USP25: variants seen among roughly 807,000 people sequenced by gnomAD.
The protein encoded by USP25 is ubiquitin carboxyl-terminal hydrolase 25.
A neutral mutation model predicts 158.5 loss-of-function variants in USP25; 85 were observed. The ratio of observed to expected loss-of-function variants is 0.54; its 90% CI spans 0.45 to 0.64. The LOEUF (loss-of-function observed/expected upper bound fraction) is 0.64, where lower values mean the gene tolerates loss of function less well. Ranked by LOEUF, USP25 falls within the 30% of genes least tolerant of loss-of-function variation. The pLI, the probability that USP25 is intolerant of heterozygous loss-of-function variation, is 0.00. For synonymous variants in USP25, 464 were observed against 460.4 expected (o/e 1.01, Z -0.10); for missense variants, 1,242 against 1,327.3 (o/e 0.94, Z 1.00).
chr21:15,783,436 C>G (rs1159024745), intron 4 of USP25, among the ~76,000 whole-genome samples: 1 of 151,822 alleles, frequency 6.6e-6, no homozygotes, highest in East Asian at 1.9e-4. Flanking sequence ...TAAAATTCAG[C>G]CCCTCAAAAT....
At chr21:15,803,862 A>G (rs1053266266) in intron 6 of USP25, among the ~76,000 whole-genome samples, 15 of 151,874 alleles carry the variant, frequency 9.9e-5, no homozygotes, top group African/African-American at 1.4e-4. Context: ...TTTGGAATCT[A>G]TTCTAGAAGC....
intron 3 of USP25, among the ~76,000 whole-genome samples, chr21:15,777,411 G>A (rs1187223253): frequency 3.3e-5 from 5 of 152,104 alleles, no homozygotes; most frequent in African/African-American, 1.2e-4. Context: ...AAATGTATGT[G>A]TAAATGTACA....
intron 1 of USP25, among the ~76,000 whole-genome samples, chr21:15,735,186 A>G (rs2031366826): frequency 6.6e-6 from 1 of 152,186 alleles, no homozygotes; most frequent in African/African-American, 2.4e-5. Context: ...ATATGTTTCT[A>G]TATTTAATAT....
At chr21:15,828,429 T>A (rs1286518725) in intron 14 of USP25, among the ~76,000 whole-genome samples, 1 of 152,150 alleles carries the variant, frequency 6.6e-6, no homozygotes, top group Non-Finnish European at 1.5e-5. Context: ...AAGAAGTGAA[T>A]GTACTTAAAA....
At chr21:15,870,972 A>G (rs1388853121) in intron 23 of USP25, among the ~76,000 whole-genome samples, 2 of 152,230 alleles carry the variant, frequency 1.3e-5, no homozygotes, top group East Asian at 1.9e-4. Context: ...AGTTCAGTTC[A>G]TCGGTTACAC....
intron 22 of USP25, among the ~76,000 whole-genome samples, chr21:15,869,632 CTTTT>C (rs1028383241): frequency 6.6e-6 from 1 of 152,070 alleles, no homozygotes; most frequent in African/African-American, 2.4e-5. Context: ...ATAAATCTAA[CTTTT>C]TTTAGTTTCT....
intron 15 of USP25, 120 bp downstream of exon 15, chr21:15,830,721 CTTA>C: frequency 2.6e-6 from 2 of 780,144 alleles, no homozygotes; most frequent in Non-Finnish European, 1.9e-6. Context: ...TTTGGCAAAT[CTTA>C]TTGTAAAATA....
At chr21:15,750,177 G>T (rs1274931200) in intron 1 of USP25, among the ~76,000 whole-genome samples, 1 of 144,732 alleles carries the variant, frequency 6.9e-6, no homozygotes, top group Non-Finnish European at 1.5e-5. Context: ...GAAATCTCCA[G>T]TGCCGTGTGT....
rs547785192 is a variant in USP25 at position 15,738,616 on chromosome 21, T to C, written c.45+8178T>C. Among the ~76,000 whole-genome samples, 5 of 152,316 alleles carry C rather than the reference T, an allele frequency of 3.3e-5. No individual in the cohort carries two copies. In the South Asian group the frequency reaches 6.2e-4, roughly 19 times the overall value. On this transcript the variant is annotated intron_variant, in intron 1 of 25. Transcript: ENST00000400183. ...TTTTATACCTAGCCACCTTGCTAAA[T>C]GTTTCTAATACCTTTTCCAGAGACA...
rs2032479810 is a variant in USP25, at chr21:15,745,579, G to A, written c.45+15141G>A. Among the ~76,000 whole-genome samples, 4 of 149,334 alleles carry A rather than the reference G, an allele frequency of 2.7e-5. No individual in the cohort carries two copies. The South Asian group carries it at 6.3e-4, about 24-fold the overall frequency. On this transcript the variant is annotated intron_variant, in intron 1 of 25. Transcript: ENST00000400183. The stretch of plus-strand genomic sequence containing the variant: ...AGCCTCCGCCTCCCTGGGTTCAAGC[G>A]ATTCTTCTGCCTCAGCCTCCTGAGT...
At chr21:15,831,891 T>C (rs1267185566) in intron 16 of USP25, among the ~76,000 whole-genome samples, 1 of 152,192 alleles carries the variant, frequency 6.6e-6, no homozygotes, top group East Asian at 1.9e-4. Context: ...TTCCACAGAT[T>C]GACTCACATT....
At chr21:15,758,813 T>G (rs556376819) in intron 1 of USP25, among the ~76,000 whole-genome samples, 10 of 139,352 alleles carry the variant, frequency 7.2e-5, no homozygotes, top group South Asian at 2.2e-4. Context: ...CCATCAGATC[T>G]CATAACCCTT....
intron 4 of USP25, among the ~76,000 whole-genome samples, chr21:15,780,330 C>A (rs1393101495): frequency 6.6e-6 from 1 of 152,040 alleles, no homozygotes; most frequent in African/African-American, 2.4e-5. Context: ...TTAAGTAGAA[C>A]GTTTTTAAAG....
intron 1 of USP25, among the ~76,000 whole-genome samples, chr21:15,753,437 C>T (rs1343650558): frequency 6.6e-6 from 1 of 152,152 alleles, no homozygotes; most frequent in Non-Finnish European, 1.5e-5. Context: ...GGGGGACCCT[C>T]CTTGTCTGCT....
intron 24 of USP25, among the ~76,000 whole-genome samples, chr21:15,874,902 C>T (rs1326385232): frequency 6.6e-6 from 1 of 152,178 alleles, no homozygotes; most frequent in African/African-American, 2.4e-5. Context: ...CGCAGCAGCT[C>T]ATGCCTGTAA....
rs1030893173 is a variant in USP25, at chr21:15,843,361, G to A, written c.2337+821G>A. 1.3e-5 allele frequency among the ~76,000 whole-genome samples: 2 copies of A among 152,046 alleles called. No individual in the cohort carries two copies. Among genetic ancestry groups the A allele is most frequent in the African/African-American group, 2.4e-5 (1 of 41,404 alleles). ...ACGACATATCATAATTTTACAACAC[G>A]TAATTTTCTGCTTAGTAAGTGAATT... On this transcript the variant is annotated intron_variant, in intron 18 of 25. Coordinates refer to ENST00000400183, the MANE Select transcript of USP25 (RefSeq NM_001283041.3). This position sits in a 1 kb window ranked among gnomAD's most constrained non-coding sequence, Gnocchi z 4.0.
At chr21:15,781,491 A>G (rs1482384900) in intron 4 of USP25, among the ~76,000 whole-genome samples, 3 of 152,202 alleles carry the variant, frequency 2.0e-5, no homozygotes, top group Admixed American at 6.5e-5. Flanking sequence ...AAGATCGCCA[A>G]CTAGAGTTGC....
chr21:15,814,650 A>G (rs144025739), intron 9 of USP25, among the ~76,000 whole-genome samples: 16 of 152,214 alleles, frequency 1.1e-4, no homozygotes, highest in Non-Finnish European at 2.2e-4. Flanking sequence ...CCTCTGCCCT[A>G]GAGATTTGTG....
chr21:15,858,983 A>G (rs2039288350), intron 20 of USP25, among the ~76,000 whole-genome samples: 1 of 151,610 alleles, frequency 6.6e-6, no homozygotes, highest in Non-Finnish European at 1.5e-5. Context: ...ATTATTGTAA[A>G]CACTTTTTGT....
Sources: gnomAD v4.1 joint callset for allele counts (sites outside exome capture counted in the v4.1 genomes callset) on GRCh38, gnomAD v4.1.1 for gene constraint, Gnocchi (gnomAD v3.1) non-coding constraint, MANE v1.5 for transcripts, NCBI Gene and HGNC (gene_info 2026-07-23, HGNC 2026-07-21) for gene names.